The following TRIM9 variants were observed in gnomAD, a reference collection of about 807,000 sequenced individuals.
The protein encoded by TRIM9 is tripartite motif containing 9, also known as E3 ubiquitin-protein ligase TRIM9.
A neutral mutation model predicts 78.3 loss-of-function variants in TRIM9; 26 were observed. That is an observed-to-expected ratio of 0.33 (90% CI 0.24 to 0.46). TRIM9 has a LOEUF of 0.46. TRIM9 is among the 20% of genes least tolerant of loss of function. The probability of loss-of-function intolerance (pLI) is 1.00; values close to 1 mark genes in which losing one functional copy is unlikely to be tolerated. For synonymous variants in TRIM9, 398 were observed against 416.5 expected (o/e 0.96, Z 0.54); for missense variants, 787 against 1,036.4 (o/e 0.76, Z 3.30).
chr14:51,081,142 T>C (rs1188091658), intron 1 of TRIM9, among the ~76,000 whole-genome samples: 1 of 152,178 alleles, frequency 6.6e-6, no homozygotes, highest in African/African-American at 2.4e-5. Flanking sequence ...ATAACTCTTA[T>C]AACTCAATAA....
At chr14:51,011,232 G>C (rs115157674) in intron 3 of TRIM9, among the ~76,000 whole-genome samples, 1 of 152,188 alleles carries the variant, frequency 6.6e-6, no homozygotes, top group Non-Finnish European at 1.5e-5. Context: ...CTGAGCAAGC[G>C]GTTTCTGCTT....
chr14:50,996,613 G>A, intron 7 of TRIM9: 2 of 985,436 alleles, frequency 2.0e-6, no homozygotes, highest in Non-Finnish European at 2.4e-6. Context: ...CATGGGAAAT[G>A]AGGCCATCAC....
intron 10 of TRIM9, 32 bp downstream of exon 10, chr14:50,982,910 C>G (rs1176335909): frequency 6.5e-7 from 1 of 1,539,616 alleles, no homozygotes; most frequent in East Asian, 2.5e-5. Context: ...TTGGTCTTTG[C>G]TATTTGGTAA....
chr14:51,094,598 T>A lies in TRIM9; in HGVS notation c.342A>T (p.Ser114=). The change falls in exon 1 of 13, where the codon TCA becomes TCT. Residue 114 remains serine (S), a synonymous_variant. Transcript: ENST00000684578. Reference sequence around the variant, plus strand: ...TGCGGGGCACCGGGGCCAGGGCCGGTGACAAGTGGGTGGCCGGTGGCGGCA... The same window carrying A: ...TGCGGGGCACCGGGGCCAGGGCCGGAGACAAGTGGGTGGCCGGTGGCGGCA... ...PAMPPPATHL[S]PALAPVPRNS... 6 of 1,610,308 alleles carry A rather than the reference T, an allele frequency of 3.7e-6. No homozygotes were observed. Among genetic ancestry groups the A allele is most frequent in the Non-Finnish European group, 5.1e-6 (6 of 1,178,246 alleles).
intron 1 of TRIM9, among the ~76,000 whole-genome samples, chr14:51,058,893 C>G (rs1036057725): frequency 1.3e-5 from 2 of 152,132 alleles, no homozygotes; most frequent in African/African-American, 4.8e-5. Flanking sequence ...ATTCTTAGCT[C>G]TCCACATACA....
chr14:51,012,714 A>G (rs990701072), intron 3 of TRIM9, among the ~76,000 whole-genome samples: 2 of 152,174 alleles, frequency 1.3e-5, no homozygotes, highest in Admixed American at 1.3e-4. Flanking sequence ...ATCCTCGCCC[A>G]CACTTATTAT....
intron 5 of TRIM9, among the ~76,000 whole-genome samples, chr14:51,004,234 T>G (rs889128922): frequency 1.3e-5 from 2 of 152,214 alleles, no homozygotes; most frequent in Non-Finnish European, 2.9e-5. Flanking sequence ...TCTTTTAGCC[T>G]GTAAAATCAA....
intron 1 of TRIM9, among the ~76,000 whole-genome samples, chr14:51,062,687 G>C (rs2061441452): frequency 6.6e-6 from 1 of 152,194 alleles, no homozygotes; most frequent in Admixed American, 6.5e-5. Context: ...AGACCAGCTG[G>C]AAATTGAGAG....
intron 6 of TRIM9, 106 bp from the exon 7 acceptor site, chr14:50,998,294 A>T: frequency 9.1e-7 from 1 of 1,098,204 alleles, no homozygotes; most frequent in Non-Finnish European, 1.3e-6. Flanking sequence ...GTGTCATTCT[A>T]ATCTGGATTT....
chr14:50,991,974 C>A (rs1222569225), intron 7 of TRIM9, among the ~76,000 whole-genome samples: 5 of 152,072 alleles, frequency 3.3e-5, no homozygotes. Flanking sequence ...TGCCACTGGC[C>A]CCAGGGCACA....
chr14:51,027,837 C>A (rs1399422653), intron 1 of TRIM9, among the ~76,000 whole-genome samples: 1 of 150,050 alleles, frequency 6.7e-6, no homozygotes, highest in Non-Finnish European at 1.5e-5. Context: ...GAACTCATAT[C>A]TTTTTTTTTT....
chr14:51,024,929 C>T (rs1375524375), intron 2 of TRIM9, among the ~76,000 whole-genome samples: 4 of 152,190 alleles, frequency 2.6e-5, no homozygotes, highest in South Asian at 2.1e-4. Context: ...TGGAAACCTA[C>T]AAGGTTTTAC....
intron 1 of TRIM9, among the ~76,000 whole-genome samples, chr14:51,027,136 T>A (rs959555412): frequency 4.0e-4 from 2 of 5,014 alleles, no homozygotes; most frequent in African/African-American, 6.0e-3. Context: ...TGTTAACTTT[T>A]TTTTTTTTTT....
rs912061161 is a variant in TRIM9 at position 50,976,778 on chromosome 14, C to T, written c.*513G>A. On this transcript the variant is annotated 3_prime_UTR_variant, in exon 13 of 13. Coordinates refer to ENST00000684578, the MANE Select transcript of TRIM9 (RefSeq NM_001387360.1). ...AAAGCTTAGCTCTGCAGAGCTAACG[C>T]TACAGGAGAGGTAAGAGGGTAAGAA... 5 of 152,614 alleles carry T rather than the reference C, an allele frequency of 3.3e-5. No homozygotes were observed. Among genetic ancestry groups the T allele is most frequent in the African/African-American group, 1.2e-4 (5 of 41,440 alleles). 9.5% of individuals were successfully genotyped at this position (152,614 alleles called of 1,614,324 possible).
chr14:50,997,553 A>T (rs1351927564), intron 7 of TRIM9: 1 of 990,316 alleles, frequency 1.0e-6, no homozygotes, highest in African/African-American at 1.7e-5. Flanking sequence ...CTCTCTAAAC[A>T]GCTCTAGCAC....
intron 1 of TRIM9, among the ~76,000 whole-genome samples, chr14:51,066,095 G>C (rs926297653): frequency 3.0e-5 from 4 of 135,210 alleles, no homozygotes; most frequent in Non-Finnish European, 6.3e-5. Context: ...GAAGGAGGGA[G>C]GGAGGGACGG....
intron 11 of TRIM9, among the ~76,000 whole-genome samples, chr14:50,980,348 G>A (rs767558425): frequency 6.6e-6 from 1 of 152,162 alleles, no homozygotes; most frequent in Non-Finnish European, 1.5e-5. Flanking sequence ...AAAAATGGAC[G>A]ATCAGATTTG....
chr14:51,000,843 A>G lies in TRIM9; in HGVS notation c.1307-3T>C. 2 of 1,613,942 alleles carry G rather than the reference A, an allele frequency of 1.2e-6. No individual in the cohort carries two copies. The highest frequency in any genetic ancestry group is 1.7e-6 in the Non-Finnish European group (2 of 1,179,840). On this transcript the variant is annotated splice_region_variant and splice_polypyrimidine_tract_variant and intron_variant, in intron 5 of 12. Transcript: ENST00000684578. ...GGTTGCTGGGACTGGAGAGGAAGCT[A>G]AACAGAAATTAGTGTAACTCTGGCT...
chr14:50,997,881 C>T, intron 7 of TRIM9, 169 bp downstream of exon 7: 1 of 1,458,282 alleles, frequency 6.9e-7, no homozygotes, highest in Admixed American at 2.5e-5. Flanking sequence ...CATCCACATA[C>T]CATAGGCTCT....
Sources: gnomAD v4.1 joint callset for allele counts (sites outside exome capture counted in the v4.1 genomes callset) on GRCh38, gnomAD v4.1.1 for gene constraint, MANE v1.5 for transcripts, NCBI Gene and HGNC (gene_info 2026-07-23, HGNC 2026-07-21) for gene names.